The following FHIP1B variants were observed in gnomAD, a reference collection of about 807,000 sequenced individuals.
FHIP1B encodes FHF complex subunit HOOK interacting protein 1B.
Under a neutral mutation model 82.2 loss-of-function variants are expected in FHIP1B, and 28 were observed. That is an observed-to-expected ratio of 0.34 (90% CI 0.25 to 0.47). The LOEUF is 0.47. Ranked by LOEUF, FHIP1B falls within the 20% of genes least tolerant of loss-of-function variation. The pLI is 1.00. For synonymous variants in FHIP1B, 585 were observed against 516.1 expected, an observed-to-expected ratio of 1.13 and a Z score of -1.81; for missense variants, 1,110 against 1,262.6, an observed-to-expected ratio of 0.88 and a Z score of 1.83.
chr11:6,219,136 C>A, intron 6 of FHIP1B, 86 bp from the exon 7 acceptor site: 2 of 1,053,310 alleles, frequency 1.9e-6, no homozygotes, highest in Non-Finnish European at 2.9e-6. Flanking sequence ...CCACCAGCCC[C>A]AAGTTGGCCC....
In FHIP1B at chr11:6,211,982, G is replaced by A. The variant is rs1171328531; in HGVS notation, c.2558-115C>T. ...TGGACTTCTCCTTTAGGGTTCTGAG[G>A]AAATGGAAAAAAGGACAAAATGGAC... On this transcript the variant is annotated intron_variant, in intron 11 of 11. Coordinates refer to ENST00000449352, the MANE Select transcript of FHIP1B (RefSeq NM_001098794.2). The A allele has an allele frequency of 8.4e-6, 12 of 1,432,816 alleles. No homozygotes were observed. In the Admixed American group the frequency reaches 2.1e-4, roughly 25 times the overall value. The allele number at this position is 1,432,816 out of a possible 1,614,324, so 88.8% of individuals were successfully genotyped here.
chr11:6,222,673 C>G, intron 5 of FHIP1B, 64 bp from the exon 6 acceptor site: 1 of 1,590,224 alleles, frequency 6.3e-7, no homozygotes, highest in African/African-American at 1.3e-5. Flanking sequence ...GGCCATTTTC[C>G]CTGGATTCTA....
intron 11 of FHIP1B, among the ~76,000 whole-genome samples, chr11:6,213,650 A>C (rs1484430696): frequency 2.0e-5 from 3 of 152,222 alleles, no homozygotes; most frequent in South Asian, 2.1e-4. Flanking sequence ...GTCTAGATTT[A>C]AAACTTCATA....
At position 6,224,218 on chromosome 11, in the gene FHIP1B, G is replaced by A. The variant is rs150001521; in HGVS notation, c.169C>T (p.Arg57Trp). 1,581 of 1,610,702 alleles carry A rather than the reference G, an allele frequency of 9.8e-4. 2 individuals are homozygous for A. Among genetic ancestry groups the A allele is most frequent in the Non-Finnish European group, 1.2e-3 (1,449 of 1,178,212 alleles). ...VVRILERQGP[R>W]AAPGGADDLS... ...TCGTCTGCACCCCCAGGAGCTGCCC[G>A]AGGGCCTTGCCGCTCCAGGATTCGC... is the stretch of plus-strand genomic sequence containing the variant. The change falls in exon 3 of 12, where the codon CGG (arginine) becomes TGG (tryptophan). Residue 57 changes from arginine (R) to tryptophan (W), a missense_variant. Around this residue, in one of 6 missense-constraint regions of FHIP1B, gnomAD observed 467 missense variants for 602.9 expected, o/e 0.77. Transcript: ENST00000449352.
At chr11:6,233,257 G>A (rs1847747322) in intron 1 of FHIP1B, among the ~76,000 whole-genome samples, 1 of 152,200 alleles carries the variant, frequency 6.6e-6, no homozygotes, top group African/African-American at 2.4e-5. Context: ...GTCCACTGTA[G>A]AGTTAAGGAA....
Position 6,211,860 on chromosome 11 carries a change from G to T in FHIP1B, c.2565C>A (p.Ser855Arg). 6.4e-7 allele frequency: 1 copy of T among 1,563,686 alleles called. No individual in the cohort carries two copies. The highest frequency in any genetic ancestry group is 8.6e-7 in the Non-Finnish European group (1 of 1,158,082). The change falls in exon 12 of 12, where the codon AGC (serine) becomes AGA (arginine). Residue 855 changes from serine to arginine, a missense_variant. Physicochemically the swap from Ser to Arg is moderately radical, Grantham distance 110. Transcript: ENST00000449352. ...GTAACTCCCCCAAGGATGGCCTCCG[G>T]CTCTTCACTGGGAATAAACAGGGGT... ...APRRSDPLVK[S>R]RRPSLGELLL...
intron 1 of FHIP1B, among the ~76,000 whole-genome samples, chr11:6,233,250 C>T (rs1847747027): frequency 1.3e-5 from 2 of 152,202 alleles, no homozygotes; most frequent in African/African-American, 2.4e-5. Context: ...TCTCCCTGTC[C>T]ACTGTAGAGT....
At chr11:6,212,244 TCTC>T (rs1485295302) in intron 11 of FHIP1B, among the ~76,000 whole-genome samples, 3 of 152,144 alleles carry the variant, frequency 2.0e-5, no homozygotes, top group Non-Finnish European at 2.9e-5. Context: ...CCTGACGAAT[TCTC>T]CTATTTCCAA....
rs1004035315 is a variant in FHIP1B, at chr11:6,224,694, C to A, written c.-178G>T. 3.3e-6 allele frequency: 2 copies of A among 601,324 alleles called. No individual in the cohort carries two copies. Among genetic ancestry groups the A allele is most frequent in the African/African-American group, 1.9e-5 (1 of 53,668 alleles). The allele number at this position is 601,324 out of a possible 1,614,324, so 37.2% of individuals were successfully genotyped here. The stretch of plus-strand genomic sequence containing the variant: ...GCAAGCCCAGAGGTCACTGGCCAGT[C>A]CAGATTTCTAAATCTAATTCAGAGA... On this transcript the variant is annotated 5_prime_UTR_variant, in exon 2 of 12. Coordinates refer to ENST00000449352, the MANE Select transcript of FHIP1B (RefSeq NM_001098794.2).
intron 11 of FHIP1B, among the ~76,000 whole-genome samples, chr11:6,213,925 CTTCT>C (rs1237586187): frequency 1.3e-5 from 2 of 150,020 alleles, no homozygotes; most frequent in African/African-American, 2.5e-5. Context: ...AACATCCCAA[CTTCT>C]ACTCTGAGAA....
intron 2 of FHIP1B, 34 bp downstream of exon 2, chr11:6,224,345 A>G: frequency 6.2e-7 from 1 of 1,614,252 alleles, no homozygotes; most frequent in Non-Finnish European, 8.5e-7. Context: ...TCAGGTGATC[A>G]GCAGACAAGG....
chr11:6,221,813 T>C (rs181942989), intron 6 of FHIP1B, among the ~76,000 whole-genome samples: 1 of 152,326 alleles, frequency 6.6e-6, no homozygotes, highest in African/African-American at 2.4e-5. Context: ...CCACAACTTA[T>C]TAATGTGTTT....
At position 6,214,392 on chromosome 11, in the gene FHIP1B, G is replaced by A; in HGVS notation, c.2557+19C>T. ...CTATCTAGGGAGGGCAGGTACGGGT[G>A]TGGTGGGATAGGCCTCACCTAGGGG... On this transcript the variant is annotated intron_variant, in intron 11 of 11. Transcript: ENST00000449352. 6.3e-7 allele frequency: 1 copy of A among 1,592,460 alleles called. No homozygotes were observed. The highest frequency in any genetic ancestry group is 8.6e-7 in the Non-Finnish European group (1 of 1,167,628).
chr11:6,220,235 G>T (rs1378895021), intron 6 of FHIP1B, among the ~76,000 whole-genome samples: 2 of 152,164 alleles, frequency 1.3e-5, no homozygotes, highest in African/African-American at 4.8e-5. Flanking sequence ...TACAGGCTGA[G>T]AATGTTCTTC....
At chr11:6,219,143 GC>G (rs2133808041) in intron 6 of FHIP1B, 93 bp from the exon 7 acceptor site, 1 of 969,240 alleles carries the variant, frequency 1.0e-6, no homozygotes, top group East Asian at 2.6e-5. Flanking sequence ...CCCCAAGTTG[GC>G]CCAACCAACC....
At chr11:6,218,565 G>A in intron 8 of FHIP1B, 35 bp downstream of exon 8, 2 of 1,613,474 alleles carry the variant, frequency 1.2e-6, no homozygotes. Context: ...TACCCGTGAT[G>A]TCCTCCCTTC....
chr11:6,213,857 A>AAC (rs1847143704), intron 11 of FHIP1B, among the ~76,000 whole-genome samples: 1 of 152,010 alleles, frequency 6.6e-6, no homozygotes. Flanking sequence ...CATCTGAGCT[A>AAC]ACATACTAAT....
In FHIP1B at chr11:6,217,392, G is replaced by A. The variant is rs1388313438; in HGVS notation, c.2194C>T (p.Leu732=). The A allele has an allele frequency of 3.7e-6, 6 of 1,614,040 alleles. No homozygotes were observed. The highest frequency in any genetic ancestry group is 3.3e-4 in the Middle Eastern group (2 of 6,084). Residue 732 remains leucine, a synonymous_variant, in exon 9 of 12, where the codon CTG becomes TTG. Transcript: ENST00000449352. ...LSSPLRTLNQ[L]PSQPFTGPFM... ...TTACCAGTGAAGGGCTGGCTTGGCA[G>A]CTGGTTGAGAGTCCGCAAAGGGCTG...
In FHIP1B at chr11:6,218,632, G is replaced by A; in HGVS notation, c.1403C>T (p.Pro468Leu). 1 of 1,614,150 alleles carries A rather than the reference G, an allele frequency of 6.2e-7. No homozygotes were observed. The change falls in exon 8 of 12, where the codon CCA becomes CTA. Residue 468 changes from proline to leucine, a missense_variant. Coordinates refer to ENST00000449352, the MANE Select transcript of FHIP1B (RefSeq NM_001098794.2). ...CCATGAGGCATGCTCTGGACGAGGTGGGCTGGGGGCGTGGTGCCGACAACA... is the reference window on the plus strand; with the variant it reads ...CCATGAGGCATGCTCTGGACGAGGTAGGCTGGGGGCGTGGTGCCGACAACA... The part of the protein sequence containing the change: ...PRCCRHHAPS[P>L]PRPEHASWAR...
Sources: gnomAD v4.1 joint callset for allele counts (sites outside exome capture counted in the v4.1 genomes callset) on GRCh38, gnomAD v4.1.1 for gene constraint, gnomAD v4.1.1 regional missense constraint, MANE v1.5 for transcripts, NCBI Gene and HGNC (gene_info 2026-07-23, HGNC 2026-07-21) for gene names.